The following CELF4 variants were observed in gnomAD, a reference collection of about 807,000 sequenced individuals.
CELF4 encodes CUGBP Elav-like family member 4, also known as CUG-BP- and ETR-3-like factor 4.
CELF4 carries 18 observed loss-of-function variants against 59.9 expected under a neutral mutation model. That is an observed-to-expected ratio of 0.30 (90% CI 0.21 to 0.45). CELF4 has a LOEUF of 0.45. CELF4 is among the 20% of genes least tolerant of loss of function. The pLI is 1.00. For missense variants in CELF4, 456 were observed against 689.0 expected (o/e 0.66, Z 3.79); for synonymous variants, 261 against 267.1 (o/e 0.98, Z 0.22).
At chr18:37,363,834 C>T (rs1191831072) in intron 2 of CELF4, among the ~76,000 whole-genome samples, 2 of 152,164 alleles carry the variant, frequency 1.3e-5, no homozygotes, top group African/African-American at 2.4e-5. Flanking sequence ...CTTTCTCTGC[C>T]CCACTCCAGC....
chr18:37,444,841 A>T (rs536823281), intron 2 of CELF4, among the ~76,000 whole-genome samples: 4 of 152,162 alleles, frequency 2.6e-5, no homozygotes, highest in East Asian at 3.9e-4. Flanking sequence ...ATTCTGAGAG[A>T]CACTAGGTAT....
intron 2 of CELF4, among the ~76,000 whole-genome samples, chr18:37,470,871 T>TGA (rs1406176161): frequency 2.9e-4 from 34 of 117,140 alleles, no homozygotes; most frequent in South Asian, 6.2e-4. Context: ...TGTGTGTGTG[T>TGA]GTGTGTGTGT....
rs186549861 is a variant in CELF4, at chr18:37,544,621, G to A, written c.286+20735C>T. On this transcript the variant is annotated intron_variant, in intron 1 of 12. Coordinates refer to ENST00000420428, the MANE Select transcript of CELF4 (RefSeq NM_020180.4). The stretch of plus-strand genomic sequence containing the variant: ...CTTGTACGTATGTATGTGTGTAAGT[G>A]TATCTGTGCATGTGTAGCTACGTGA... Among the ~76,000 whole-genome samples, 3 of 152,330 alleles carry A rather than the reference G, an allele frequency of 2.0e-5. No individual in the cohort carries two copies. The East Asian group carries it at 5.8e-4, about 29-fold the overall frequency.
At chr18:37,317,623 C>T (rs2096913055) in intron 3 of CELF4, among the ~76,000 whole-genome samples, 1 of 152,200 alleles carries the variant, frequency 6.6e-6, no homozygotes, top group African/African-American at 2.4e-5. Flanking sequence ...CAGCCAAGCA[C>T]TCAGCCAGCT....
At chr18:37,248,078 G>A (rs539938996) in intron 12 of CELF4, among the ~76,000 whole-genome samples, 13 of 152,184 alleles carry the variant, frequency 8.5e-5, no homozygotes, top group African/African-American at 2.2e-4. Context: ...GCAGCAGCTC[G>A]GCCCTCCCAC....
chr18:37,538,884 C>T (rs2099975622), intron 1 of CELF4, among the ~76,000 whole-genome samples: 1 of 152,180 alleles, frequency 6.6e-6, no homozygotes, highest in Admixed American at 6.5e-5. Flanking sequence ...TCCGTTCCTC[C>T]CGTCACCTCC....
At chr18:37,367,703 T>C (rs2098803425) in intron 2 of CELF4, among the ~76,000 whole-genome samples, 1 of 151,694 alleles carries the variant, frequency 6.6e-6, no homozygotes. Flanking sequence ...TTCTTTTTTT[T>C]TTTTCTTAAA....
intron 2 of CELF4, among the ~76,000 whole-genome samples, chr18:37,413,251 C>T (rs994950406): frequency 2.6e-5 from 4 of 152,146 alleles, no homozygotes; most frequent in Non-Finnish European, 5.9e-5. Flanking sequence ...TGCGTGTGTT[C>T]ACGTGTGGGT....
At chr18:37,251,260 G>T (rs1332116299) in intron 12 of CELF4, among the ~76,000 whole-genome samples, 1 of 152,066 alleles carries the variant, frequency 6.6e-6, no homozygotes, top group Non-Finnish European at 1.5e-5. Flanking sequence ...GAAGGTCTAG[G>T]GTTCTAATCT....
At chr18:37,295,609 T>C (rs1236565382) in intron 3 of CELF4, among the ~76,000 whole-genome samples, 1 of 152,184 alleles carries the variant, frequency 6.6e-6, no homozygotes, top group Non-Finnish European at 1.5e-5. Flanking sequence ...AGAAATAATA[T>C]TATTGTTATT....
intron 1 of CELF4, among the ~76,000 whole-genome samples, chr18:37,547,160 G>T (rs200250422): frequency 2.5e-4 from 36 of 144,238 alleles, no homozygotes; most frequent in East Asian, 1.4e-3. Flanking sequence ...GTGTGTGTGT[G>T]GTGTGTGTGT....
chr18:37,451,931 A>G (rs2099765234), intron 2 of CELF4, among the ~76,000 whole-genome samples: 1 of 152,122 alleles, frequency 6.6e-6, no homozygotes, highest in Non-Finnish European at 1.5e-5. Flanking sequence ...AGATGAGCCC[A>G]GGGCGGGGGA....
At chr18:37,355,959 T>C (rs1347525344) in intron 2 of CELF4, among the ~76,000 whole-genome samples, 1 of 152,132 alleles carries the variant, frequency 6.6e-6, no homozygotes, top group Non-Finnish European at 1.5e-5. Context: ...GCATCTGTTC[T>C]GAGCCATCAC....
At chr18:37,547,145 T>TATGTGTGTGTGTGTG (rs879507460) in intron 1 of CELF4, among the ~76,000 whole-genome samples, 10,158 of 107,064 alleles carry the variant, frequency 0.095, 419 homozygotes, top group South Asian at 0.17. Flanking sequence ...GCTTAGTGTA[T>TATGTGTGTGTGTGTG]GTGTGTGTGT....
intron 2 of CELF4, among the ~76,000 whole-genome samples, chr18:37,356,417 A>G (rs1269309274): frequency 6.6e-6 from 1 of 152,184 alleles, no homozygotes; most frequent in African/African-American, 2.4e-5. Context: ...CCAGAAAGAG[A>G]CAAGGACATG....
chr18:37,490,641 G>T (rs1286485650), intron 1 of CELF4, among the ~76,000 whole-genome samples: 1 of 152,180 alleles, frequency 6.6e-6, no homozygotes, highest in Non-Finnish European at 1.5e-5. Flanking sequence ...TCAGCAAGCT[G>T]GAAATGTAAA....
intron 2 of CELF4, among the ~76,000 whole-genome samples, chr18:37,355,680 C>A (rs1033626684): frequency 3.9e-5 from 6 of 152,046 alleles, no homozygotes; most frequent in Non-Finnish European, 5.9e-5. Context: ...CCCCACCCAC[C>A]CCACCTCTCC....
intron 1 of CELF4, among the ~76,000 whole-genome samples, chr18:37,544,120 G>A (rs2099979646): frequency 6.6e-6 from 1 of 151,510 alleles, no homozygotes; most frequent in Non-Finnish European, 1.5e-5. Context: ...GGCAAGGCCA[G>A]GGATGTCCTA....
rs373184599 is a variant in CELF4, at chr18:37,434,867, C to T, written c.369+50658G>A. ...TAAGTACACCCTCAAACACCTTCCTCCTGCACCCCCTCCTTTTCCCAGTTG... is the reference window on the plus strand; with the variant it reads ...TAAGTACACCCTCAAACACCTTCCTTCTGCACCCCCTCCTTTTCCCAGTTG... On this transcript the variant is annotated intron_variant, in intron 2 of 12. Coordinates refer to ENST00000420428, the MANE Select transcript of CELF4 (RefSeq NM_020180.4). Among the ~76,000 whole-genome samples, 202 of 152,318 alleles carry T rather than the reference C, an allele frequency of 1.3e-3. 1 individual carries two copies. Among genetic ancestry groups the T allele is most frequent in the African/African-American group, 4.4e-3 (183 of 41,580 alleles).
Sources: allele counts gnomAD v4.1 joint callset (sites outside exome capture counted in the v4.1 genomes callset), GRCh38; gene constraint gnomAD v4.1.1; transcripts MANE v1.5; gene names NCBI Gene and HGNC (gene_info 2026-07-23, HGNC 2026-07-21).